RCBTB2: variants seen among roughly 807,000 people sequenced by gnomAD.
The protein encoded by RCBTB2 is RCC1 and BTB domain containing protein 2, also known as RCC1 and BTB domain-containing protein 2.
RCBTB2 carries 55 observed loss-of-function variants against 65.4 expected under a neutral mutation model. The observed-to-expected ratio is 0.84, with a 90% CI of 0.68 to 1.05. RCBTB2 has a LOEUF of 1.05. Among genes scored for constraint, RCBTB2 ranks in the 50% least tolerant of loss-of-function variants. The probability of loss-of-function intolerance (pLI) is 0.00; values close to 1 mark genes in which losing one functional copy is unlikely to be tolerated. For missense variants in RCBTB2, 599 were observed against 680.1 expected, an observed-to-expected ratio of 0.88 and a Z score of 1.33; for synonymous variants, 220 against 255.2, an observed-to-expected ratio of 0.86 and a Z score of 1.31.
At position 48,504,171 on chromosome 13, in the gene RCBTB2, G is replaced by A; in HGVS notation, c.927-1257C>T. ...CAGGTACACCCCACATCTGGCCCCT[G>A]TAACAGCCTCCCAGGTCTCCCTTGC... On this transcript the variant is annotated intron_variant, in intron 10 of 14. Transcript: ENST00000344532. 3 of 985,354 alleles carry A rather than the reference G, an allele frequency of 3.0e-6. No individual in the cohort carries two copies. In the South Asian group the frequency reaches 1.4e-4, roughly 46 times the overall value. 61.0% of individuals were successfully genotyped at this position (985,354 alleles called of 1,614,324 possible).
chr13:48,510,852 A>C, intron 9 of RCBTB2, 81 bp from the exon 10 acceptor site: 1 of 1,449,930 alleles, frequency 6.9e-7, no homozygotes, highest in Non-Finnish European at 9.4e-7. Flanking sequence ...AAGAATCAAA[A>C]ATGAAAAAAA....
At chr13:48,528,618 G>A (rs750254178) in intron 1 of RCBTB2, among the ~76,000 whole-genome samples, 2 of 152,078 alleles carry the variant, frequency 1.3e-5, no homozygotes, top group Non-Finnish European at 2.9e-5. Context: ...TATATCCTTA[G>A]GTGAGTCATT....
chr13:48,527,326 T>TATATG (rs1555310610), intron 1 of RCBTB2, among the ~76,000 whole-genome samples: 2 of 132,134 alleles, frequency 1.5e-5, no homozygotes, highest in African/African-American at 7.2e-5. Context: ...GGCTCATATA[T>TATATG]ATATATATAT....
intron 1 of RCBTB2, among the ~76,000 whole-genome samples, chr13:48,529,938 T>C (rs57910291): frequency 0.012 from 1,769 of 152,272 alleles, 29 homozygotes; most frequent in African/African-American, 0.04. Context: ...TTGCCCAGAC[T>C]GGAGTGCAAT....
intron 1 of RCBTB2, among the ~76,000 whole-genome samples, chr13:48,530,848 A>C (rs1032383453): frequency 5.9e-5 from 9 of 152,258 alleles, no homozygotes; most frequent in Non-Finnish European, 5.9e-5. Context: ...CCTATATACT[A>C]TAAAAAATGG....
At chr13:48,495,927 T>C (rs1243645359) in intron 14 of RCBTB2, among the ~76,000 whole-genome samples, 3 of 152,212 alleles carry the variant, frequency 2.0e-5, no homozygotes, top group African/African-American at 7.2e-5. Context: ...ACTTTGTAAG[T>C]TTCTCTATGG....
chr13:48,521,882 A>T lies in RCBTB2; in HGVS notation c.42+16T>A. ...AACAGAACACACATGCTCCAAGGGC[A>T]TGATTTTTTTCTAACCTTGCCACTG... On this transcript the variant is annotated intron_variant, in intron 4 of 14. Coordinates refer to ENST00000344532, the MANE Select transcript of RCBTB2 (RefSeq NM_001268.4). 1 of 1,613,020 alleles carries T rather than the reference A, an allele frequency of 6.2e-7. No individual in the cohort carries two copies.
At chr13:48,532,712 T>G (rs544233984) in intron 1 of RCBTB2, 2 of 294,720 alleles carry the variant, frequency 6.8e-6, no homozygotes, top group Non-Finnish European at 1.3e-5. Flanking sequence ...CTGGGCAGGA[T>G]GTAGTCGCGA....
At chr13:48,521,988 C>A in intron 3 of RCBTB2, 26 bp from the exon 4 acceptor site, 1 of 1,601,996 alleles carries the variant, frequency 6.2e-7, no homozygotes. Context: ...GTGGTAAAAT[C>A]AGGATCCCTT....
intron 7 of RCBTB2, 52 bp from the exon 8 acceptor site, chr13:48,512,226 C>T (rs1950841949): frequency 6.7e-7 from 1 of 1,500,268 alleles, no homozygotes. Flanking sequence ...TAAACTGTCT[C>T]AACTGGACAC....
rs9331968 is a variant in RCBTB2 at position 48,521,887 on chromosome 13, T to G, written c.42+11A>C. 19 of 1,613,392 alleles carry G rather than the reference T, an allele frequency of 1.2e-5. No individual in the cohort carries two copies. The highest frequency in any genetic ancestry group is 1.6e-5 in the Non-Finnish European group (19 of 1,179,622). ...AACACACATGCTCCAAGGGCATGAT[T>G]TTTTTCTAACCTTGCCACTGTCTCC... On this transcript the variant is annotated intron_variant, in intron 4 of 14. Coordinates refer to ENST00000344532, the MANE Select transcript of RCBTB2 (RefSeq NM_001268.4).
At chr13:48,503,025 G>T in intron 10 of RCBTB2, 111 bp from the exon 11 acceptor site, 1 of 1,216,144 alleles carries the variant, frequency 8.2e-7, no homozygotes, top group Non-Finnish European at 1.1e-6. Context: ...TACAAAAAGG[G>T]TCAGGAAAAG....
chr13:48,522,516 TA>T, intron 2 of RCBTB2, 113 bp from the exon 3 acceptor site: 1 of 625,530 alleles, frequency 1.6e-6, no homozygotes, highest in African/African-American at 1.8e-5. Flanking sequence ...ATCAAATATG[TA>T]GCAATGCACT....
At chr13:48,529,317 T>C in intron 1 of RCBTB2, among the ~76,000 whole-genome samples, 1 of 152,228 alleles carries the variant, frequency 6.6e-6, no homozygotes, top group East Asian at 1.9e-4. Flanking sequence ...ACCCACAGCA[T>C]ATATATTCCT....
At chr13:48,532,978 C>A in intron 1 of RCBTB2, 50 bp downstream of exon 1, 1 of 455,744 alleles carries the variant, frequency 2.2e-6, no homozygotes, top group Non-Finnish European at 4.4e-6. Flanking sequence ...CATCCCACGT[C>A]ACGGCCGCGA....
intron 5 of RCBTB2, 104 bp from the exon 6 acceptor site, chr13:48,515,459 T>A: frequency 7.2e-7 from 1 of 1,382,436 alleles, no homozygotes; most frequent in Non-Finnish European, 9.9e-7. Context: ...CTTCTTTATA[T>A]AATAAATAAA....
At position 48,489,042 on chromosome 13, in the gene RCBTB2, TTTACA is replaced by T. The variant is rs1361374633; in HGVS notation, c.*1064_*1068del. The T allele has an allele frequency of 1.3e-5, 2 of 152,236 alleles. No homozygotes were observed. The highest frequency in any genetic ancestry group is 1.9e-4 in the East Asian group (1 of 5,206). The allele number at this position is 152,236 out of a possible 1,614,324, so 9.4% of individuals were successfully genotyped here. A position where few individuals can be genotyped will look rare whatever the true frequency, so the allele number is the denominator to read the frequency against. On this transcript the variant is annotated 3_prime_UTR_variant, in exon 15 of 15. Coordinates refer to ENST00000344532, the MANE Select transcript of RCBTB2 (RefSeq NM_001268.4). ...GAATTCTAATTCCAAAAGGGTTTCC[TTTACA>T]TTACATGACATTGTGAGATACACAT...
At chr13:48,527,853 A>G (rs1279413331) in intron 1 of RCBTB2, among the ~76,000 whole-genome samples, 1 of 152,224 alleles carries the variant, frequency 6.6e-6, no homozygotes, top group Non-Finnish European at 1.5e-5. Context: ...CTCTTTTGAT[A>G]ATGTGATAAA....
intron 5 of RCBTB2, 30 bp from the exon 6 acceptor site, chr13:48,515,385 A>T (rs1858594118): frequency 6.2e-7 from 1 of 1,600,316 alleles, no homozygotes; most frequent in African/African-American, 1.4e-5. Context: ...TAGTTCAAGC[A>T]GTTCTATTTC....
Sources: gnomAD v4.1 joint callset for allele counts (sites outside exome capture counted in the v4.1 genomes callset) on GRCh38, gnomAD v4.1.1 for gene constraint, MANE v1.5 for transcripts, NCBI Gene and HGNC (gene_info 2026-07-23, HGNC 2026-07-21) for gene names.